The following CSMD1 variants were observed in gnomAD, a reference collection of about 807,000 sequenced individuals.
CSMD1 encodes the protein CUB and Sushi multiple domains 1, also known as CUB and sushi domain-containing protein 1.
Under a neutral mutation model 417.5 loss-of-function variants are expected in CSMD1, and 213 were observed. The observed-to-expected ratio is 0.51, with a 90% CI of 0.46 to 0.57. CSMD1 has a LOEUF of 0.57. Among genes scored for constraint, CSMD1 ranks in the 20% least tolerant of loss-of-function variants. The pLI is 0.00. For synonymous variants in CSMD1, 2,862 were observed against 1,736.8 expected (o/e 1.65, Z -16.11); for missense variants, 6,923 against 4,529.7 (o/e 1.53, Z -15.17).
In CSMD1 at chr8:4,880,884, A is replaced by G. The variant is rs191243115; in HGVS notation, c.85+113448T>C. On this transcript the variant is annotated intron_variant, in intron 1 of 69. Coordinates refer to ENST00000635120, the MANE Select transcript of CSMD1 (RefSeq NM_033225.6). ...ATTTAGTATTATTCATGCTTTATAG[A>G]AAGAGAATTTAAGAAATGTTACATT... is the stretch of plus-strand genomic sequence containing the variant. 9.1e-4 allele frequency among the ~76,000 whole-genome samples: 138 copies of G among 152,224 alleles called. 4 individuals are homozygous for G. The highest frequency in any genetic ancestry group is 3.1e-3 in the African/African-American group (129 of 41,484).
chr8:3,563,556 TCTTA>T lies in CSMD1; in HGVS notation c.1344+11385_1344+11388del, dbSNP rs556165372. Among the ~76,000 whole-genome samples, 422 of 134,786 alleles carry T rather than the reference TCTTA, an allele frequency of 3.1e-3. 1 individual carries two copies. The highest frequency in any genetic ancestry group is 8.1e-3 in the Middle Eastern group (2 of 248). The allele number at this position is 134,786 out of a possible 152,430, so 88.4% of individuals were successfully genotyped here. On this transcript the variant is annotated intron_variant, in intron 10 of 69. Transcript: ENST00000635120. ...ATCTTAAACCATATAAATACACACC[TCTTA>T]CTCACAAAAAAACAAAACAAAAACA...
At chr8:3,106,882 G>C (rs1409064304) in intron 45 of CSMD1, 2 of 353,352 alleles carry the variant, frequency 5.7e-6, no homozygotes, top group Non-Finnish European at 1.0e-5. Context: ...TTTCTTCCTT[G>C]ACTGAGGCAT....
chr8:4,215,068 C>G (rs928345285), intron 3 of CSMD1, among the ~76,000 whole-genome samples: 5 of 152,100 alleles, frequency 3.3e-5, no homozygotes, highest in East Asian at 1.9e-4. Flanking sequence ...AGCCATGGAA[C>G]CAACGAAATA....
At chr8:3,202,404 C>G (rs1797036123) in intron 31 of CSMD1, among the ~76,000 whole-genome samples, 1 of 152,172 alleles carries the variant, frequency 6.6e-6, no homozygotes, top group South Asian at 2.1e-4. Context: ...CTGTTTTCCA[C>G]TCTACAATTT....
chr8:4,470,872 A>T (rs1247110993), intron 2 of CSMD1, among the ~76,000 whole-genome samples: 1 of 152,138 alleles, frequency 6.6e-6, no homozygotes, highest in African/African-American at 2.4e-5. Context: ...TGTAAAACTG[A>T]ATTATTTTTA....
intron 10 of CSMD1, among the ~76,000 whole-genome samples, chr8:3,518,177 T>C (rs1797359775): frequency 6.6e-6 from 1 of 152,186 alleles, no homozygotes; most frequent in Admixed American, 6.5e-5. Context: ...TGTTGTATGG[T>C]TATTAGCGAA....
At chr8:4,022,627 T>C (rs994092070) in intron 4 of CSMD1, among the ~76,000 whole-genome samples, 26 of 152,110 alleles carry the variant, frequency 1.7e-4, no homozygotes, top group Non-Finnish European at 2.9e-4. Context: ...CTAGAAACCA[T>C]TCTGGAACCC....
rs536036218 is a variant in CSMD1, at chr8:3,089,145, G to A, written c.7286-1860C>T. On this transcript the variant is annotated intron_variant, in intron 48 of 69. Coordinates refer to ENST00000635120, the MANE Select transcript of CSMD1 (RefSeq NM_033225.6). ...GGGCCCTGCCAGCCCAACTCCTGCT[G>A]CAGGAAGAGGAATTCAGAGGAGCAG... Among the ~76,000 whole-genome samples the A allele has an allele frequency of 3.5e-4, 53 of 152,332 alleles. No homozygotes were observed. The South Asian group carries it at 8.9e-3, about 26-fold the overall frequency.
chr8:3,476,160 T>C (rs567317379), intron 11 of CSMD1, among the ~76,000 whole-genome samples: 4 of 152,274 alleles, frequency 2.6e-5, no homozygotes, highest in South Asian at 4.1e-4. Context: ...CTGCGCAACA[T>C]AGCGAGGCCT....
chr8:4,967,224 G>A (rs939945095), intron 1 of CSMD1, among the ~76,000 whole-genome samples: 1 of 152,140 alleles, frequency 6.6e-6, no homozygotes, highest in African/African-American at 2.4e-5. Flanking sequence ...ACAGCAGTAA[G>A]TAAAAAATCA....
Position 3,716,853 on chromosome 8 carries a change from C to T in CSMD1, c.932-8362G>A, listed in dbSNP as rs74834588. Among the ~76,000 whole-genome samples, 455 of 151,530 alleles carry T rather than the reference C, an allele frequency of 3.0e-3. 4 individuals are homozygous for T. Among genetic ancestry groups the T allele is most frequent in the African/African-American group, 0.01 (418 of 41,298 alleles). The stretch of plus-strand genomic sequence containing the variant: ...TCATCTAATAAAACATTATCATCAT[C>T]GGAATTATCAAGAGTAATAGTTTTA... On this transcript the variant is annotated intron_variant, in intron 6 of 69. Transcript: ENST00000635120.
chr8:3,343,579 G>C (rs75042584), intron 22 of CSMD1, 129 bp from the exon 23 acceptor site: 2 of 774,778 alleles, frequency 2.6e-6, no homozygotes, highest in East Asian at 5.6e-5. Flanking sequence ...ATAGTTTACA[G>C]AAAGATAAAT....
chr8:3,343,279 T>C lies in CSMD1; in HGVS notation c.3631+15A>G. On this transcript the variant is annotated intron_variant, in intron 23 of 69. Transcript: ENST00000635120. ...AAAATGAAAAAAGAACGTGATTAAG[T>C]CGTATGTTACTTACTGGTATAGGTG... 1 of 1,608,566 alleles carries C rather than the reference T, an allele frequency of 6.2e-7. No homozygotes were observed. Among genetic ancestry groups the C allele is most frequent in the Non-Finnish European group, 8.5e-7 (1 of 1,175,600 alleles).
chr8:3,269,590 C>T (rs1175987009), intron 26 of CSMD1, among the ~76,000 whole-genome samples: 1 of 152,180 alleles, frequency 6.6e-6, no homozygotes, highest in African/African-American at 2.4e-5. Flanking sequence ...ATCAATCTCG[C>T]AAAACCTGAG....
rs1274443019 is a variant in CSMD1 at position 3,308,312 on chromosome 8, C to A, written c.3823G>T (p.Ala1275Ser). ...ATGGTATGACTGCTTCCACACTCAC[C>A]TATGCACGAAGGTAGTGGTTTGTCC... ...VWDKPLPSCI[A>S]ECGGQIHAAT... The change falls in exon 24 of 70, where the codon GCG (alanine) becomes TCG (serine). Residue 1275 changes from alanine (A) to serine (S), a missense_variant and splice_region_variant. Transcript: ENST00000635120. 1 of 1,604,104 alleles carries A rather than the reference C, an allele frequency of 6.2e-7. No individual in the cohort carries two copies.
intron 5 of CSMD1, among the ~76,000 whole-genome samples, chr8:3,991,987 C>T (rs889604815): frequency 4.6e-5 from 7 of 151,762 alleles, no homozygotes; most frequent in Admixed American, 3.9e-4. Context: ...AAAAAAAATA[C>T]ACTATTGAAA....
rs78819167 is a variant in CSMD1, at chr8:3,825,183, C to T, written c.819-71141G>A. 9.2e-3 allele frequency among the ~76,000 whole-genome samples: 1,400 copies of T among 152,110 alleles called. 34 individuals are homozygous for T. The highest frequency in any genetic ancestry group is 0.031 in the African/African-American group (1,275 of 41,496). Reference sequence around the variant, plus strand: ...CCAGAAGCTGTAGGTGAGGGTTTAGCGTGCTGATTCCCTGAAGGAGTCATA... The same window carrying T: ...CCAGAAGCTGTAGGTGAGGGTTTAGTGTGCTGATTCCCTGAAGGAGTCATA... On this transcript the variant is annotated intron_variant, in intron 5 of 69. Transcript: ENST00000635120.
At chr8:3,611,152 C>T (rs1190199472) in intron 8 of CSMD1, among the ~76,000 whole-genome samples, 3 of 151,394 alleles carry the variant, frequency 2.0e-5, no homozygotes, top group Non-Finnish European at 2.9e-5. Flanking sequence ...TTAATGGCTG[C>T]AGCACACCAG....
chr8:4,221,290 G>C (rs1034759760), intron 3 of CSMD1, among the ~76,000 whole-genome samples: 6 of 151,476 alleles, frequency 4.0e-5, no homozygotes, highest in African/African-American at 1.5e-4. Context: ...GTTAAACATG[G>C]CATATTGAAT....
Sources: gnomAD v4.1 joint callset for allele counts (sites outside exome capture counted in the v4.1 genomes callset) on GRCh38, gnomAD v4.1.1 for gene constraint, MANE v1.5 for transcripts, NCBI Gene and HGNC (gene_info 2026-07-23, HGNC 2026-07-21) for gene names.